PCDH11Y: variants seen among roughly 807,000 people sequenced by gnomAD.
PCDH11Y encodes protocadherin-11 Y-linked.
For synonymous variants in PCDH11Y, 9 were observed against 83.6 expected (o/e 0.11, Z 4.87); for missense variants, 12 against 224.8 (o/e 0.05, Z 6.05).
At chrY:5,511,856 GA>G (rs2053365683) in intron 3 of PCDH11Y, among the ~76,000 whole-genome samples, 4 of 33,348 alleles carry the variant, frequency 1.2e-4, no homozygotes, top group African/African-American at 4.7e-4. Flanking sequence ...ACCCGTAAGA[GA>G]TGCAGATATG....
intron 2 of PCDH11Y, among the ~76,000 whole-genome samples, chrY:5,334,000 G>A (rs2053133957): frequency 6.1e-5 from 2 of 32,895 alleles, no homozygotes; most frequent in African/African-American, 2.4e-4. Flanking sequence ...AGGTTTTCTT[G>A]TTGTCTTCTG....
At chrY:5,400,521 C>A (rs2053232035) in intron 2 of PCDH11Y, among the ~76,000 whole-genome samples, 1 of 33,048 alleles carries the variant, frequency 3.0e-5, no homozygotes, top group South Asian at 6.6e-4. Flanking sequence ...CATCAATGAG[C>A]CCAGGAAAAA....
intron 1 of PCDH11Y, among the ~76,000 whole-genome samples, chrY:5,075,793 C>T (rs2052707688): frequency 2.9e-5 from 1 of 33,920 alleles, no homozygotes; most frequent in Non-Finnish European, 7.4e-5. Context: ...ACCAGATTTC[C>T]TTTACCCATT....
chrY:5,144,916 ATAGAG>A (rs2052855228), intron 2 of PCDH11Y, among the ~76,000 whole-genome samples: 1 of 26,773 alleles, frequency 3.7e-5, no homozygotes, highest in African/African-American at 1.5e-4. Flanking sequence ...TATAGTATCT[ATAGAG>A]TAGTTTCTCT....
At chrY:5,041,557 C>T (rs2124623287) in intron 3 of PCDH11Y, among the ~76,000 whole-genome samples, 3 of 32,136 alleles carry the variant, frequency 9.3e-5, no homozygotes, top group East Asian at 8.4e-4. Flanking sequence ...TGAGTAATGC[C>T]GCAATAAACA....
At chrY:5,562,534 G>C (rs2053429605) in intron 3 of PCDH11Y, among the ~76,000 whole-genome samples, 1 of 31,799 alleles carries the variant, frequency 3.1e-5, no homozygotes, top group Non-Finnish European at 7.6e-5. Flanking sequence ...GGCTGAGGCG[G>C]GTGGATCATG....
chrY:5,330,161 T>C (rs2053129205), intron 2 of PCDH11Y, among the ~76,000 whole-genome samples: 1 of 31,444 alleles, frequency 3.2e-5, no homozygotes, highest in African/African-American at 1.3e-4. Context: ...GTTTGTTCTC[T>C]GGCGGGTAGG....
chrY:5,143,787 C>T (rs2052853527), intron 2 of PCDH11Y, among the ~76,000 whole-genome samples: 1 of 32,922 alleles, frequency 3.0e-5, no homozygotes, highest in Non-Finnish European at 7.5e-5. Context: ...TGTGTAAGCA[C>T]TGGGACCATT....
chrY:5,603,993 G>T, intron 4 of PCDH11Y, among the ~76,000 whole-genome samples: 3 of 32,611 alleles, frequency 9.2e-5, no homozygotes, highest in African/African-American at 3.6e-4. Flanking sequence ...AAGCAAGCGG[G>T]CATTTGGTCC....
intron 2 of PCDH11Y, among the ~76,000 whole-genome samples, chrY:5,307,120 G>A (rs2053091650): frequency 3.2e-5 from 1 of 30,946 alleles, no homozygotes; most frequent in African/African-American, 1.2e-4. Context: ...TGACCAATGT[G>A]CTTTATTAAG....
chrY:5,192,671 GC>G (rs2052913835), intron 2 of PCDH11Y, among the ~76,000 whole-genome samples: 3 of 33,469 alleles, frequency 9.0e-5, no homozygotes, highest in Non-Finnish European at 7.4e-5. Context: ...CTGAATGCGA[GC>G]CATTTGCTTT....
chrY:5,558,749 A>G, intron 3 of PCDH11Y, among the ~76,000 whole-genome samples: 3 of 32,064 alleles, frequency 9.4e-5, no homozygotes, highest in African/African-American at 2.4e-4. Context: ...GGAAAACTTA[A>G]TGCATAAGAA....
At chrY:5,056,934 C>T (rs780595508) in exon 1 of PCDH11Y, 2 of 395,651 alleles carry the variant, frequency 5.1e-6, no homozygotes, top group Non-Finnish European at 7.1e-6. Flanking sequence ...GTTTGTTGTC[C>T]GGGACGTACA....
At chrY:5,560,965 C>T (rs2053428126) in intron 3 of PCDH11Y, among the ~76,000 whole-genome samples, 37 of 33,722 alleles carry the variant, frequency 1.1e-3, no homozygotes, top group African/African-American at 3.9e-3. Flanking sequence ...TAAACAACAG[C>T]CTATGAAAGC....
intron 2 of PCDH11Y, among the ~76,000 whole-genome samples, chrY:5,336,583 C>A (rs1602906691): frequency 5.6e-5 from 1 of 17,877 alleles, no homozygotes; most frequent in Non-Finnish European, 1.2e-4. Flanking sequence ...CACTGATGAT[C>A]ACACAACCAG....
chrY:5,513,172 A>C (rs1602936517), intron 3 of PCDH11Y, among the ~76,000 whole-genome samples: 1 of 31,672 alleles, frequency 3.2e-5, no homozygotes, highest in South Asian at 7.3e-4. Flanking sequence ...CTGGGACTAC[A>C]GGCACTGGCC....
At chrY:5,726,302 A>C in intron 4 of PCDH11Y, among the ~76,000 whole-genome samples, 1 of 30,720 alleles carries the variant, frequency 3.3e-5, no homozygotes, top group East Asian at 8.5e-4. Context: ...TATAAAAGAT[A>C]ATCTTGGGTA....
chrY:5,366,837 C>T, intron 2 of PCDH11Y, among the ~76,000 whole-genome samples: 2 of 30,207 alleles, frequency 6.6e-5, no homozygotes, highest in Non-Finnish European at 1.6e-4. Flanking sequence ...TCTCCTGCCT[C>T]AGCCTCCCTA....
At chrY:5,474,922 A>C in intron 2 of PCDH11Y, among the ~76,000 whole-genome samples, 1 of 32,638 alleles carries the variant, frequency 3.1e-5, no homozygotes, top group African/African-American at 1.2e-4. Flanking sequence ...TCTTGTTTTG[A>C]TACTATTGTA....
Sources: allele counts gnomAD v4.1 joint callset (sites outside exome capture counted in the v4.1 genomes callset), GRCh38; gene constraint gnomAD v4.1.1; transcripts MANE v1.5; gene names NCBI Gene and HGNC (gene_info 2026-07-23, HGNC 2026-07-21).